The following GABRB3 variants were observed in gnomAD, a reference collection of about 807,000 sequenced individuals.
GABRB3 encodes the protein gamma-aminobutyric acid receptor subunit beta-3.
In GABRB3, 14 loss-of-function variants were observed where a neutral mutation model predicts 52.1. The observed-to-expected ratio is 0.27, with a 90% CI of 0.18 to 0.42. GABRB3 has a LOEUF of 0.42. GABRB3 is among the 10% of genes least tolerant of loss of function. The pLI is 1.00. For synonymous variants in GABRB3, 260 were observed against 232.3 expected (o/e 1.12, Z -1.08); for missense variants, 307 against 609.1 (o/e 0.50, Z 5.22).
intron 3 of GABRB3, among the ~76,000 whole-genome samples, chr15:26,645,314 A>G (rs1893319208): frequency 6.6e-6 from 1 of 152,222 alleles, no homozygotes; most frequent in Non-Finnish European, 1.5e-5. Context: ...TTTGACAGTG[A>G]CAGTACATAT....
intron 3 of GABRB3, among the ~76,000 whole-genome samples, chr15:26,714,289 A>T (rs1889398305): frequency 6.6e-6 from 1 of 152,212 alleles, no homozygotes; most frequent in Admixed American, 6.5e-5. Context: ...ATGCCCCCAT[A>T]ACTACTGTGA....
intron 3 of GABRB3, among the ~76,000 whole-genome samples, chr15:26,651,517 C>A (rs1242616674): frequency 6.6e-6 from 1 of 152,204 alleles, no homozygotes; most frequent in East Asian, 1.9e-4. Context: ...TTAGTGGTTT[C>A]TGACTGAGGA....
rs1160874734 is a variant in GABRB3, at chr15:26,561,037, G to C, written c.975C>G (p.Ala325=). ...TTCCAAAGAAAATGTAGTTGACAAA[G>C]GCATACTCCAGAAGGGCCAGGAACA... ...VFVFLALLEY[A]FVNYIFFGRG... The change falls in exon 8 of 9, where the codon GCC becomes GCG. Residue 325 remains alanine (A), a synonymous_variant. Coordinates refer to ENST00000311550, the MANE Select transcript of GABRB3 (RefSeq NM_000814.6). 6.2e-7 allele frequency: 1 copy of C among 1,614,114 alleles called. No homozygotes were observed. Among genetic ancestry groups the C allele is most frequent in the Admixed American group, 1.7e-5 (1 of 60,026 alleles).
intron 3 of GABRB3, chr15:26,629,123 A>T: frequency 6.5e-7 from 1 of 1,527,988 alleles, no homozygotes; most frequent in Admixed American, 2.0e-5. Flanking sequence ...TCTTTACAGG[A>T]GAGGCTGAAG....
chr15:26,662,128 A>C (rs1342129855), intron 3 of GABRB3, among the ~76,000 whole-genome samples: 1 of 152,222 alleles, frequency 6.6e-6, no homozygotes, highest in East Asian at 1.9e-4. Flanking sequence ...TGTGCAGTGC[A>C]TACAAAGGAA....
At chr15:26,725,720 C>T (rs1374956910) in intron 3 of GABRB3, among the ~76,000 whole-genome samples, 3 of 151,986 alleles carry the variant, frequency 2.0e-5, no homozygotes, top group African/African-American at 7.2e-5. Context: ...ATGAGATATC[C>T]TGGGGATGGG....
Position 26,772,759 on chromosome 15 carries a change from C to A in GABRB3, c.94G>T (p.Gly32Trp). The change falls in exon 2 of 9, where the codon GGG becomes TGG. Residue 32 changes from glycine (G) to tryptophan (W), a missense_variant. Physicochemically the swap from Gly to Trp is radical, Grantham distance 184. Coordinates refer to ENST00000311550, the MANE Select transcript of GABRB3 (RefSeq NM_000814.6). ...GTCTCCTTCACAAAGGACATGTTCC[C>A]GGGATCGTTCACACTGGGGGAGGGA... Reference protein sequence around the residue: ...VCCAQSVNDPGNMSFVKETVD... With the variant: ...VCCAQSVNDPWNMSFVKETVD... The A allele has an allele frequency of 6.5e-7, 1 of 1,540,106 alleles. No homozygotes were observed. Among genetic ancestry groups the A allele is most frequent in the Non-Finnish European group, 8.8e-7 (1 of 1,139,554 alleles).
intron 3 of GABRB3, among the ~76,000 whole-genome samples, chr15:26,713,157 G>A (rs1038736526): frequency 6.6e-6 from 1 of 152,182 alleles, no homozygotes; most frequent in Non-Finnish European, 1.5e-5. Context: ...TCTGGTTTGG[G>A]CAACCAGGTG....
At chr15:26,660,750 A>C (rs150341936) in intron 3 of GABRB3, among the ~76,000 whole-genome samples, 29 of 152,330 alleles carry the variant, frequency 1.9e-4, no homozygotes, top group African/African-American at 7.0e-4. Flanking sequence ...TGCTAGGTAC[A>C]CCACAAAGAT....
chr15:26,551,017 T>C (rs574261140), intron 8 of GABRB3, among the ~76,000 whole-genome samples: 2 of 152,290 alleles, frequency 1.3e-5, no homozygotes, highest in Admixed American at 6.5e-5. Flanking sequence ...CTGAAATATT[T>C]TGAGAAAGGC....
intron 3 of GABRB3, among the ~76,000 whole-genome samples, chr15:26,638,806 A>C (rs1005028866): frequency 4.6e-5 from 7 of 152,136 alleles, no homozygotes; most frequent in Admixed American, 4.6e-4. Context: ...ACTTCACTCA[A>C]ATCAGAAAAT....
chr15:26,670,464 A>G (rs1357525074), intron 3 of GABRB3, among the ~76,000 whole-genome samples: 1 of 152,118 alleles, frequency 6.6e-6, no homozygotes, highest in African/African-American at 2.4e-5. Context: ...GTGGCCGCCA[A>G]GGCGCGGCTT....
At chr15:26,668,313 C>T (rs1455697630) in intron 3 of GABRB3, among the ~76,000 whole-genome samples, 2 of 152,078 alleles carry the variant, frequency 1.3e-5, no homozygotes, top group East Asian at 3.8e-4. Context: ...TGCTAATGTG[C>T]TATAAAAAAT....
At chr15:26,568,763 C>T (rs747971724) in intron 6 of GABRB3, among the ~76,000 whole-genome samples, 3 of 149,030 alleles carry the variant, frequency 2.0e-5, no homozygotes, top group Non-Finnish European at 4.4e-5. Flanking sequence ...GATCCACCCA[C>T]CTCGGCCTCC....
intron 3 of GABRB3, among the ~76,000 whole-genome samples, chr15:26,721,968 T>A (rs904711495): frequency 5.3e-5 from 8 of 152,160 alleles, no homozygotes; most frequent in African/African-American, 1.9e-4. Flanking sequence ...TAACTGTAGT[T>A]CCACACCAAG....
In GABRB3 at chr15:26,709,515, C is replaced by CTTT. The variant is rs57044167; in HGVS notation, c.240+62884_240+62886dup. Reference sequence around the variant, plus strand: ...TAAACCTCTTTTCTTTTTTTTCTTTCTTTTTTTTTTTTTTTTTTTTTTGAG... The same window carrying CTTT: ...TAAACCTCTTTTCTTTTTTTTCTTTCTTTTTTTTTTTTTTTTTTTTTTTTTGAG... On this transcript the variant is annotated intron_variant, in intron 3 of 8. Transcript: ENST00000311550. Among the ~76,000 whole-genome samples the CTTT allele has an allele frequency of 5.2e-3, 478 of 91,946 alleles. 12 individuals carry two copies. The highest frequency in any genetic ancestry group is 0.018 in the Middle Eastern group (2 of 110). The allele number at this position is 91,946 out of a possible 152,430, so 60.3% of individuals were successfully genotyped here.
chr15:26,561,036 A>G lies in GABRB3; in HGVS notation c.976T>C (p.Phe326Leu), dbSNP rs1889963170. The change falls in exon 8 of 9, where the codon TTT (phenylalanine) becomes CTT (leucine). Residue 326 changes from phenylalanine to leucine, a missense_variant. Phe to Leu is a conservative substitution (Grantham distance 22, BLOSUM62 0). Coordinates refer to ENST00000311550, the MANE Select transcript of GABRB3 (RefSeq NM_000814.6). ...FVFLALLEYAFVNYIFFGRGP... is the reference protein window; with the variant it reads ...FVFLALLEYALVNYIFFGRGP... ...CTTCCAAAGAAAATGTAGTTGACAA[A>G]GGCATACTCCAGAAGGGCCAGGAAC... 6.2e-7 allele frequency: 1 copy of G among 1,614,152 alleles called. No individual in the cohort carries two copies. Among genetic ancestry groups the G allele is most frequent in the East Asian group, 2.2e-5 (1 of 44,866 alleles).
In GABRB3 at chr15:26,772,254, G is replaced by C. The variant is rs760650068; in HGVS notation, c.240+148C>G. The C allele has an allele frequency of 1.5e-5, 10 of 645,992 alleles. No homozygotes were observed. In the South Asian group the frequency reaches 1.7e-4, roughly 11 times the overall value. 40.0% of individuals were successfully genotyped at this position (645,992 alleles called of 1,614,324 possible). A position where few individuals can be genotyped will look rare whatever the true frequency, so the allele number is the denominator to read the frequency against. On this transcript the variant is annotated intron_variant, in intron 3 of 8. Coordinates refer to ENST00000311550, the MANE Select transcript of GABRB3 (RefSeq NM_000814.6). The stretch of plus-strand genomic sequence containing the variant: ...GGGTGCAGGGAGCCGGGCAAGCGAG[G>C]GGCCGGCGCCTGGGAGCGCGGCTCC...
At chr15:26,730,350 G>A (rs1595555634) in intron 3 of GABRB3, among the ~76,000 whole-genome samples, 2 of 150,746 alleles carry the variant, frequency 1.3e-5, no homozygotes, top group African/African-American at 2.4e-5. Flanking sequence ...CCCGGGAGGC[G>A]GAGCTTGCAG....
Sources: gnomAD v4.1 joint callset for allele counts (sites outside exome capture counted in the v4.1 genomes callset) on GRCh38, gnomAD v4.1.1 for gene constraint, MANE v1.5 for transcripts, NCBI Gene and HGNC (gene_info 2026-07-23, HGNC 2026-07-21) for gene names.